The following ZSWIM7 variants were observed in gnomAD, a reference collection of about 807,000 sequenced individuals.
The protein encoded by ZSWIM7 is zinc finger SWIM domain-containing protein 7.
A neutral mutation model predicts 21.1 loss-of-function variants in ZSWIM7; 22 were observed. The observed-to-expected ratio is 1.04, with a 90% CI of 0.74 to 1.49. ZSWIM7 has a LOEUF of 1.49. ZSWIM7 is among the 40% of genes most tolerant of loss of function. The pLI is 0.00. For missense variants in ZSWIM7, 193 were observed against 168.0 expected (o/e 1.15, Z -0.82); for synonymous variants, 67 against 66.5 (o/e 1.01, Z -0.04).
intron 2 of ZSWIM7, among the ~76,000 whole-genome samples, chr17:15,990,083 G>A (rs951451765): frequency 6.6e-6 from 1 of 151,886 alleles, no homozygotes; most frequent in South Asian, 2.1e-4. Flanking sequence ...AGCTGGGCAC[G>A]GTAGCAGGCA....
At chr17:15,987,577 G>A (rs1325804364) in intron 2 of ZSWIM7, among the ~76,000 whole-genome samples, 4 of 151,728 alleles carry the variant, frequency 2.6e-5, no homozygotes, top group African/African-American at 4.8e-5. Context: ...CTTGTATTAT[G>A]TATATATGTG....
intron 4 of ZSWIM7, 108 bp from the exon 5 acceptor site, chr17:15,978,271 T>C (rs1360946761): frequency 7.5e-6 from 6 of 804,298 alleles, no homozygotes; most frequent in African/African-American, 6.8e-5. Context: ...GACTAGAGCA[T>C]ACAGATTACG....
intron 1 of ZSWIM7, among the ~76,000 whole-genome samples, chr17:15,995,656 T>C (rs1048183107): frequency 3.3e-4 from 43 of 129,400 alleles, no homozygotes; most frequent in African/African-American, 1.2e-3. Context: ...TCCCAGGAAG[T>C]AGAGAAAATA....
chr17:15,979,671 C>T (rs1288695276), intron 4 of ZSWIM7, among the ~76,000 whole-genome samples: 2 of 31,656 alleles, frequency 6.3e-5, no homozygotes, highest in Non-Finnish European at 1.5e-4. Context: ...GGAGGACTGA[C>T]CCCCCCCACC....
intron 2 of ZSWIM7, among the ~76,000 whole-genome samples, chr17:15,993,497 G>A (rs1398441610): frequency 6.6e-6 from 1 of 151,860 alleles, no homozygotes; most frequent in Non-Finnish European, 1.5e-5. Flanking sequence ...CTCCTGAGTA[G>A]CTGGGACTAC....
chr17:15,999,676 C>A lies in ZSWIM7; in HGVS notation c.-82G>T, dbSNP rs561788137. 2.6e-6 allele frequency: 4 copies of A among 1,559,036 alleles called. No individual in the cohort carries two copies. In the South Asian group the frequency reaches 3.5e-5, roughly 14 times the overall value. ...TGCGCCTACCTGTGGAGGATCCTGA[C>A]CCCCCGCCGGGGCAGGGCGAGACGG... On this transcript the variant is annotated 5_prime_UTR_variant, in exon 1 of 5. Transcript: ENST00000399277.
intron 2 of ZSWIM7, among the ~76,000 whole-genome samples, chr17:15,991,881 A>G (rs1970486440): frequency 6.7e-6 from 1 of 150,286 alleles, no homozygotes; most frequent in Admixed American, 6.6e-5. Context: ...CAGGGCTCAA[A>G]CAGTCCTCCT....
chr17:15,985,641 T>A (rs1970400428), intron 3 of ZSWIM7, among the ~76,000 whole-genome samples: 1 of 152,186 alleles, frequency 6.6e-6, no homozygotes, highest in Non-Finnish European at 1.5e-5. Flanking sequence ...ATTTTATAAT[T>A]AATAAAGCAA....
intron 2 of ZSWIM7, among the ~76,000 whole-genome samples, chr17:15,993,303 T>A (rs1475925279): frequency 6.6e-6 from 1 of 151,972 alleles, no homozygotes; most frequent in Non-Finnish European, 1.5e-5. Flanking sequence ...TGAGATTACA[T>A]GTGTGAGTCA....
At chr17:15,983,834 G>A (rs1374184049) in intron 3 of ZSWIM7, among the ~76,000 whole-genome samples, 3 of 152,016 alleles carry the variant, frequency 2.0e-5, no homozygotes, top group Non-Finnish European at 2.9e-5. Flanking sequence ...TGATCCACCC[G>A]CCTCAGCCTC....
chr17:15,981,853 C>A (rs1432726409), intron 3 of ZSWIM7, among the ~76,000 whole-genome samples: 8 of 152,134 alleles, frequency 5.3e-5, no homozygotes, highest in Non-Finnish European at 1.0e-4. Context: ...GAGGTCAAGG[C>A]TGCAGTGAGC....
intron 1 of ZSWIM7, among the ~76,000 whole-genome samples, chr17:15,998,717 G>A (rs1164475065): frequency 6.6e-6 from 1 of 150,768 alleles, no homozygotes; most frequent in Non-Finnish European, 1.5e-5. Flanking sequence ...TTACTCCAAC[G>A]ATTGCATATG....
intron 1 of ZSWIM7, among the ~76,000 whole-genome samples, chr17:15,998,227 G>A (rs1970588966): frequency 6.6e-6 from 1 of 152,154 alleles, no homozygotes; most frequent in Non-Finnish European, 1.5e-5. Context: ...AAATCTGAGA[G>A]CCCAGAACAA....
rs1221110181 is a variant in ZSWIM7 at position 15,980,876 on chromosome 17, G to A, written c.306+164C>T. On this transcript the variant is annotated intron_variant, in intron 4 of 4. Coordinates refer to ENST00000399277, the MANE Select transcript of ZSWIM7 (RefSeq NM_001042697.2). ...TTCTAAAAATGACATTGCATTTTGA[G>A]AGGCTAAACCCCTAAGAGGTGACTA... Among the ~76,000 whole-genome samples the A allele has an allele frequency of 2.6e-5, 4 of 152,098 alleles. No homozygotes were observed. In the East Asian group the frequency reaches 7.7e-4, roughly 29 times the overall value.
At chr17:15,998,464 G>A (rs1015766756) in intron 1 of ZSWIM7, among the ~76,000 whole-genome samples, 1 of 152,172 alleles carries the variant, frequency 6.6e-6, no homozygotes, top group Admixed American at 6.5e-5. Context: ...AGCCATCCAA[G>A]TTGAATAAGC....
At chr17:15,998,084 A>G (rs1485054312) in intron 1 of ZSWIM7, among the ~76,000 whole-genome samples, 1 of 151,514 alleles carries the variant, frequency 6.6e-6, no homozygotes, top group Non-Finnish European at 1.5e-5. Context: ...TGGGAGACAG[A>G]GCAAGACTCT....
At chr17:15,985,898 A>G (rs1272717957) in intron 3 of ZSWIM7, among the ~76,000 whole-genome samples, 1 of 152,218 alleles carries the variant, frequency 6.6e-6, no homozygotes, top group Non-Finnish European at 1.5e-5. Flanking sequence ...TAAAAACACC[A>G]GGAAAGAGGA....
intron 1 of ZSWIM7, among the ~76,000 whole-genome samples, chr17:15,997,409 G>A (rs1264313746): frequency 6.6e-6 from 1 of 152,176 alleles, no homozygotes; most frequent in African/African-American, 2.4e-5. Context: ...AGTAAAGGAT[G>A]TGAGGTTAAA....
chr17:15,976,937 T>G lies in ZSWIM7; in HGVS notation c.*1110A>C, dbSNP rs1211397727. 6.6e-6 allele frequency: 1 copy of G among 152,182 alleles called. No individual in the cohort carries two copies. The highest frequency in any genetic ancestry group is 1.9e-4 in the East Asian group (1 of 5,204). The allele number at this position is 152,182 out of a possible 1,614,324, so 9.4% of individuals were successfully genotyped here. ...ATTTTCATCTTCACGTATTATTGCT[T>G]CTTTGCTCTCTCGGTGTCCAACTGA... On this transcript the variant is annotated 3_prime_UTR_variant, in exon 5 of 5. Transcript: ENST00000399277.
Sources: gnomAD v4.1 joint callset for allele counts (sites outside exome capture counted in the v4.1 genomes callset) on GRCh38, gnomAD v4.1.1 for gene constraint, MANE v1.5 for transcripts, NCBI Gene and HGNC (gene_info 2026-07-23, HGNC 2026-07-21) for gene names.